Variants in RALYL observed in about 807,000 individuals in gnomAD.
RALYL encodes the protein RNA-binding Raly-like protein.
In RALYL, 29 loss-of-function variants were observed where a neutral mutation model predicts 35.1. The ratio of observed to expected loss-of-function variants is 0.83; its 90% CI spans 0.61 to 1.13. RALYL has a LOEUF of 1.13. RALYL is among the 50% of genes most tolerant of loss of function. The pLI is 0.00. For missense variants in RALYL, 359 were observed against 360.4 expected (o/e 1.00, Z 0.03); for synonymous variants, 120 against 127.6 (o/e 0.94, Z 0.40).
At chr8:84,337,884 A>G (rs1018878373) in intron 1 of RALYL, among the ~76,000 whole-genome samples, 10 of 152,112 alleles carry the variant, frequency 6.6e-5, no homozygotes, top group Non-Finnish European at 1.2e-4. Flanking sequence ...CCTATAAGGA[A>G]GATAATGCAA....
chr8:84,398,149 ACTTCAGCTTGG>A (rs1251722329), intron 1 of RALYL, among the ~76,000 whole-genome samples: 6 of 152,278 alleles, frequency 3.9e-5, no homozygotes, highest in African/African-American at 1.4e-4. Context: ...TGCTGTTGCG[ACTTCAGCTTGG>A]TACTATTATT....
intron 2 of RALYL, among the ~76,000 whole-genome samples, chr8:84,658,428 C>T (rs1012855020): frequency 2.0e-5 from 3 of 152,162 alleles, no homozygotes; most frequent in African/African-American, 7.2e-5. Context: ...TCAGTTGATA[C>T]ATCTTTTTAA....
At chr8:84,184,750 G>A (rs1437953228) in intron 1 of RALYL, 2 of 425,528 alleles carry the variant, frequency 4.7e-6, no homozygotes, top group East Asian at 7.2e-5. Context: ...TAGGCGGCCG[G>A]CGGGCCCTGT....
chr8:84,496,497 A>G (rs1045653871), intron 1 of RALYL, among the ~76,000 whole-genome samples: 13 of 152,092 alleles, frequency 8.5e-5, no homozygotes, highest in Non-Finnish European at 1.8e-4. Flanking sequence ...TCATCTCACA[A>G]CCATGGCATT....
chr8:84,421,207 T>G (rs2045529865), intron 1 of RALYL, among the ~76,000 whole-genome samples: 1 of 81,116 alleles, frequency 1.2e-5, no homozygotes, highest in Non-Finnish European at 2.3e-5. Flanking sequence ...TTTGTTTGTA[T>G]CCTCTTTTAT....
intron 2 of RALYL, among the ~76,000 whole-genome samples, chr8:84,564,542 T>C (rs1210113428): frequency 6.6e-6 from 1 of 151,754 alleles, no homozygotes; most frequent in Admixed American, 6.6e-5. Flanking sequence ...AAGTCTTTTA[T>C]GTTTTGCTGT....
chr8:84,849,424 T>G (rs958440989), intron 4 of RALYL, among the ~76,000 whole-genome samples: 2 of 152,242 alleles, frequency 1.3e-5, no homozygotes, highest in African/African-American at 4.8e-5. Context: ...TTGTTCATTA[T>G]GTAGCCTCAT....
intron 3 of RALYL, among the ~76,000 whole-genome samples, chr8:84,779,575 GA>G (rs1419230785): frequency 1.3e-5 from 2 of 152,142 alleles, no homozygotes; most frequent in Non-Finnish European, 2.9e-5. Context: ...CCACCCAGAT[GA>G]CCATGAGAAT....
intron 2 of RALYL, among the ~76,000 whole-genome samples, chr8:84,601,064 CAG>C (rs762790806): frequency 6.8e-4 from 104 of 152,178 alleles, no homozygotes; most frequent in Non-Finnish European, 1.1e-3. Context: ...AGTTTGCAAA[CAG>C]GGGATAGCAG....
At chr8:84,360,741 G>A (rs559622005) in intron 1 of RALYL, among the ~76,000 whole-genome samples, 16 of 152,226 alleles carry the variant, frequency 1.1e-4, no homozygotes, top group Non-Finnish European at 2.2e-4. Context: ...AATCTCTCTA[G>A]GGAGGTATGT....
intron 2 of RALYL, among the ~76,000 whole-genome samples, chr8:84,598,692 A>G (rs1411295914): frequency 6.6e-6 from 1 of 152,194 alleles, no homozygotes; most frequent in Admixed American, 6.5e-5. Context: ...ACATAATACT[A>G]TAAACAGTAT....
chr8:84,469,237 A>C (rs2052294196), intron 1 of RALYL, among the ~76,000 whole-genome samples: 1 of 151,766 alleles, frequency 6.6e-6, no homozygotes, highest in Non-Finnish European at 1.5e-5. Flanking sequence ...TAGAGTTTCC[A>C]GTTTTTCTGT....
intron 1 of RALYL, among the ~76,000 whole-genome samples, chr8:84,363,613 C>CT (rs1853562568): frequency 6.6e-6 from 1 of 152,106 alleles, no homozygotes; most frequent in Admixed American, 6.6e-5. Context: ...TGATATTATT[C>CT]TTATAAGGGA....
chr8:84,260,212 T>C (rs562950270), intron 1 of RALYL, among the ~76,000 whole-genome samples: 5 of 152,260 alleles, frequency 3.3e-5, no homozygotes, highest in African/African-American at 9.6e-5. Flanking sequence ...GAAACAAAGC[T>C]GCACATGTGC....
chr8:84,452,579 A>C (rs2049620642), intron 1 of RALYL, among the ~76,000 whole-genome samples: 1 of 151,950 alleles, frequency 6.6e-6, no homozygotes, highest in African/African-American at 2.4e-5. Context: ...ATGAATTAGC[A>C]ACCAACAGGT....
At chr8:84,367,964 A>G (rs1246564733) in intron 1 of RALYL, among the ~76,000 whole-genome samples, 1 of 152,136 alleles carries the variant, frequency 6.6e-6, no homozygotes, top group African/African-American at 2.4e-5. Context: ...CTTCCTTTTT[A>G]AATTTTCTCA....
intron 1 of RALYL, among the ~76,000 whole-genome samples, chr8:84,303,690 A>C (rs1396220238): frequency 6.6e-6 from 1 of 152,216 alleles, no homozygotes; most frequent in Non-Finnish European, 1.5e-5. Context: ...GTAATGTCCT[A>C]CTGTAGGTAA....
At chr8:84,472,583 T>G (rs1025284573) in intron 1 of RALYL, among the ~76,000 whole-genome samples, 3 of 152,118 alleles carry the variant, frequency 2.0e-5, no homozygotes, top group Admixed American at 1.3e-4. Context: ...GATATGAGAT[T>G]GGGAATAAAA....
Position 84,822,458 on chromosome 8 carries a change from A to G in RALYL, c.365+17656A>G, listed in dbSNP as rs1586558618. Reference sequence around the variant, plus strand: ...CCTTTCTGTGAAGAATAGCTGTCTAATTTCATTAAGTGCATCAATTCAACA... The same window carrying G: ...CCTTTCTGTGAAGAATAGCTGTCTAGTTTCATTAAGTGCATCAATTCAACA... On this transcript the variant is annotated intron_variant, in intron 4 of 8. Coordinates refer to ENST00000521268, the MANE Select transcript of RALYL (RefSeq NM_173848.7). Among the ~76,000 whole-genome samples, 3 of 152,298 alleles carry G rather than the reference A, an allele frequency of 2.0e-5. No homozygotes were observed. The South Asian group carries it at 6.2e-4, about 32-fold the overall frequency.
Sources: allele counts gnomAD v4.1 joint callset (sites outside exome capture counted in the v4.1 genomes callset), GRCh38; gene constraint gnomAD v4.1.1; transcripts MANE v1.5; gene names NCBI Gene and HGNC (gene_info 2026-07-23, HGNC 2026-07-21).